CTNNA3: variants seen among roughly 807,000 people sequenced by gnomAD.
CTNNA3 encodes catenin alpha-3.
Under a neutral mutation model 95.7 loss-of-function variants are expected in CTNNA3, and 76 were observed. The ratio of observed to expected loss-of-function variants is 0.79; its 90% CI spans 0.66 to 0.96. The LOEUF is 0.96. Ranked by LOEUF, CTNNA3 falls within the 40% of genes least tolerant of loss-of-function variation. CTNNA3 has a pLI of 0.00. For missense variants in CTNNA3, 1,191 were observed against 1,089.8 expected (o/e 1.09, Z -1.31); for synonymous variants, 431 against 374.4 (o/e 1.15, Z -1.74).
At chr10:66,879,616 T>C (rs146407741) in intron 7 of CTNNA3, among the ~76,000 whole-genome samples, 268 of 152,054 alleles carry the variant, frequency 1.8e-3, no homozygotes, top group African/African-American at 6.3e-3. Context: ...CAAATACCCA[T>C]GAAGAGTTAA....
intron 6 of CTNNA3, among the ~76,000 whole-genome samples, chr10:67,182,540 A>G (rs1195222540): frequency 6.6e-6 from 1 of 152,042 alleles, no homozygotes; most frequent in African/African-American, 2.4e-5. Context: ...AATTAATTCA[A>G]GAAGGATTAA....
intron 9 of CTNNA3, among the ~76,000 whole-genome samples, chr10:66,749,332 T>C (rs1438793878): frequency 6.6e-6 from 1 of 152,048 alleles, no homozygotes; most frequent in African/African-American, 2.4e-5. Context: ...ACAAAACAGT[T>C]TCACTGCCCT....
intron 12 of CTNNA3, among the ~76,000 whole-genome samples, chr10:66,376,103 T>C (rs556910323): frequency 6.6e-6 from 1 of 152,272 alleles, no homozygotes; most frequent in South Asian, 2.1e-4. Context: ...GATTCCTGAA[T>C]TTTATAGCGT....
intron 3 of CTNNA3, among the ~76,000 whole-genome samples, chr10:67,605,384 G>A (rs1589479350): frequency 1.3e-5 from 2 of 152,260 alleles, no homozygotes; most frequent in East Asian, 3.9e-4. Flanking sequence ...GTGAGGAAAT[G>A]GGTCAGTGCA....
At chr10:66,741,990 A>C (rs1236992609) in intron 9 of CTNNA3, among the ~76,000 whole-genome samples, 1 of 152,198 alleles carries the variant, frequency 6.6e-6, no homozygotes, top group Non-Finnish European at 1.5e-5. Flanking sequence ...GAACAATATG[A>C]AATCTGGGCA....
intron 1 of CTNNA3, among the ~76,000 whole-genome samples, chr10:67,716,613 T>C (rs1841145061): frequency 6.6e-6 from 1 of 152,196 alleles, no homozygotes; most frequent in Admixed American, 6.5e-5. Context: ...ACAACGATGG[T>C]TTCCAGCTTC....
At chr10:67,413,701 T>C (rs560997331) in intron 5 of CTNNA3, among the ~76,000 whole-genome samples, 6 of 152,048 alleles carry the variant, frequency 3.9e-5, no homozygotes, top group Non-Finnish European at 7.4e-5. Flanking sequence ...CCTCAATAAA[T>C]TCAGAAAGAA....
intron 11 of CTNNA3, among the ~76,000 whole-genome samples, chr10:66,505,748 C>T (rs1456535799): frequency 1.3e-5 from 2 of 152,096 alleles, no homozygotes; most frequent in African/African-American, 4.8e-5. Flanking sequence ...ATTGGATTTA[C>T]TTTCATTTCT....
At chr10:66,512,209 T>C (rs927205682) in intron 11 of CTNNA3, among the ~76,000 whole-genome samples, 4 of 152,064 alleles carry the variant, frequency 2.6e-5, no homozygotes, top group Admixed American at 2.6e-4. Flanking sequence ...CACTTTTTGT[T>C]TGCATTTGCA....
chr10:67,473,739 A>T (rs13328743), intron 5 of CTNNA3, among the ~76,000 whole-genome samples: 2,590 of 152,338 alleles, frequency 0.017, 76 homozygotes, highest in African/African-American at 0.057. Context: ...TGCAAATTTT[A>T]AAAATGATAT....
intron 10 of CTNNA3, among the ~76,000 whole-genome samples, chr10:66,559,651 TCA>T (rs1842493120): frequency 1.3e-5 from 2 of 151,914 alleles, no homozygotes; most frequent in Admixed American, 1.3e-4. Flanking sequence ...CGCTCGGGTA[TCA>T]CGACAGACTT....
In CTNNA3 at chr10:67,726,426, TTATATCA is replaced by T. The variant is rs1411178244; in HGVS notation, c.-2+37001_-2+37007del. 1.4e-4 allele frequency among the ~76,000 whole-genome samples: 4 copies of T among 29,516 alleles called. No homozygotes were observed. In the African/African-American group the frequency reaches 1.6e-3, roughly 12 times the overall value. The allele number at this position is 29,516 out of a possible 152,430, so 19.4% of individuals were successfully genotyped here. On this transcript the variant is annotated intron_variant, in intron 1 of 17. Transcript: ENST00000684154. ...ATTATATCATATATAATATTATATA[TTATATCA>T]TATATAATATATAATATTATATATG...
Position 67,751,104 on chromosome 10 carries a change from C to T in CTNNA3, c.-2+12330G>A, listed in dbSNP as rs1210049813. On this transcript the variant is annotated intron_variant, in intron 1 of 17. Coordinates refer to the CTNNA3 transcript ENST00000684154. ...ACCAGCACGCATTGTTGAGAACATT[C>T]AGGCCTTTGACTTTACATTGAATGA... 2.1e-6 allele frequency: 3 copies of T among 1,404,898 alleles called. No homozygotes were observed. The African/African-American group carries it at 4.2e-5, about 20-fold the overall frequency. The allele number at this position is 1,404,898 out of a possible 1,614,324, so 87.0% of individuals were successfully genotyped here.
chr10:66,443,984 C>G (rs183337980), intron 11 of CTNNA3, among the ~76,000 whole-genome samples: 17 of 152,122 alleles, frequency 1.1e-4, no homozygotes, highest in African/African-American at 3.6e-4. Context: ...CTTAAAGGAG[C>G]TGATGGAGTT....
chr10:66,664,713 AGGAAGAAAAATCCCATG>A (rs1428553272), intron 9 of CTNNA3, among the ~76,000 whole-genome samples: 1 of 82,826 alleles, frequency 1.2e-5, no homozygotes, highest in Non-Finnish European at 2.2e-5. Context: ...TGATGTTGCT[AGGAAGAAAAATCCCATG>A]GGAAAAAAAT....
At chr10:66,749,202 C>CAAAAAAAAAAAAAAAAAA (rs35568730) in intron 9 of CTNNA3, among the ~76,000 whole-genome samples, 5 of 50,858 alleles carry the variant, frequency 9.8e-5, no homozygotes, top group Admixed American at 3.6e-4. Context: ...AACTCCAACT[C>CAAAAAAAAAAAAAAAAAA]AAAAAAAAAA....
chr10:66,337,384 A>G (rs1218171146), intron 12 of CTNNA3, among the ~76,000 whole-genome samples: 1 of 152,096 alleles, frequency 6.6e-6, no homozygotes, highest in Non-Finnish European at 1.5e-5. Flanking sequence ...ACTACTATTT[A>G]CTGCATTTGT....
intron 10 of CTNNA3, among the ~76,000 whole-genome samples, chr10:66,579,205 A>G (rs557107671): frequency 6.6e-6 from 1 of 151,674 alleles, no homozygotes; most frequent in South Asian, 2.1e-4. Context: ...TTCTGATTGT[A>G]TTTATTTGGT....
chr10:66,636,691 C>T (rs1168013646), intron 9 of CTNNA3, among the ~76,000 whole-genome samples: 2 of 152,052 alleles, frequency 1.3e-5, no homozygotes, highest in East Asian at 1.9e-4. Flanking sequence ...CTTCTCTATA[C>T]TTATTTATGA....
Sources: gnomAD v4.1 joint callset for allele counts (sites outside exome capture counted in the v4.1 genomes callset) on GRCh38, gnomAD v4.1.1 for gene constraint, MANE v1.5 for transcripts, NCBI Gene and HGNC (gene_info 2026-07-23, HGNC 2026-07-21) for gene names.